The following PSME3IP1 variants were observed in gnomAD, a reference collection of about 807,000 sequenced individuals.
PSME3IP1 encodes the protein PSME3-interacting protein.
Under a neutral mutation model 34.1 loss-of-function variants are expected in PSME3IP1, and 13 were observed. That is an observed-to-expected ratio of 0.38 (90% CI 0.25 to 0.61). The LOEUF (loss-of-function observed/expected upper bound fraction) is 0.61, where lower values mean the gene tolerates loss of function less well. Among genes scored for constraint, PSME3IP1 ranks in the 20% least tolerant of loss-of-function variants. The probability of loss-of-function intolerance (pLI) is 0.60; values close to 1 mark genes in which losing one functional copy is unlikely to be tolerated. For missense variants in PSME3IP1, 237 were observed against 301.4 expected, an observed-to-expected ratio of 0.79 and a Z score of 1.58; for synonymous variants, 93 against 114.3, an observed-to-expected ratio of 0.81 and a Z score of 1.19.
In PSME3IP1 at chr16:57,154,014, G is replaced by A. The variant is rs916246576; in HGVS notation, c.*276C>T. On this transcript the variant is annotated 3_prime_UTR_variant, in exon 7 of 7. Transcript: ENST00000309137. This position sits in a 1 kb window ranked among gnomAD's most constrained non-coding sequence, Gnocchi z 4.0. ...CCTATTCTCCTGGGGCATTTTTAGT[G>A]GAACTTCGGCTGGGCCTTGCCCTCC... The A allele has an allele frequency of 2.5e-6, 1 of 396,142 alleles. No individual in the cohort carries two copies. Among genetic ancestry groups the A allele is most frequent in the Non-Finnish European group, 4.6e-6 (1 of 219,252 alleles). 24.5% of individuals were successfully genotyped at this position (396,142 alleles called of 1,614,324 possible).
chr16:57,166,326 G>A (rs1567391130), intron 5 of PSME3IP1, among the ~76,000 whole-genome samples: 1 of 152,192 alleles, frequency 6.6e-6, no homozygotes, highest in Non-Finnish European at 1.5e-5. Context: ...GGAAAGGGAG[G>A]AGCAAACATA....
At chr16:57,167,498 C>A (rs12443669) in intron 4 of PSME3IP1, among the ~76,000 whole-genome samples, 2,347 of 152,228 alleles carry the variant, frequency 0.015, 31 homozygotes, top group Non-Finnish European at 0.025. Flanking sequence ...CCCACTATTA[C>A]CAAGGACATG....
At chr16:57,185,728 GCCCTAA>G in intron 1 of PSME3IP1, 87 bp downstream of exon 1, 1 of 985,494 alleles carries the variant, frequency 1.0e-6, no homozygotes, top group Non-Finnish European at 1.2e-6. Flanking sequence ...AACAGGCCTG[GCCCTAA>G]CCCTAACAGC....
intron 4 of PSME3IP1, among the ~76,000 whole-genome samples, 191 bp downstream of exon 4, chr16:57,172,060 A>G (rs1330484124): frequency 6.6e-6 from 1 of 152,204 alleles, no homozygotes; most frequent in East Asian, 1.9e-4. Flanking sequence ...TTTGACTATA[A>G]CACTCTTGCA....
chr16:57,172,224 A>G, intron 4 of PSME3IP1, 27 bp downstream of exon 4: 1 of 1,610,986 alleles, frequency 6.2e-7, no homozygotes, highest in Non-Finnish European at 8.5e-7. Flanking sequence ...GACACCTTAC[A>G]GGTTTTCCTC....
At chr16:57,167,322 T>G in intron 4 of PSME3IP1, 96 bp from the exon 5 acceptor site, 1 of 1,363,688 alleles carries the variant, frequency 7.3e-7, no homozygotes, top group Non-Finnish European at 1.0e-6. Flanking sequence ...CTGGCCTACT[T>G]ATTTAAATAA....
chr16:57,156,100 A>G (rs1196462607), intron 6 of PSME3IP1, among the ~76,000 whole-genome samples: 1 of 152,246 alleles, frequency 6.6e-6, no homozygotes, highest in East Asian at 1.9e-4. Context: ...TCTTCCCTGA[A>G]ATGTTTCCGG....
rs1458158073 is a variant in PSME3IP1 at position 57,169,503 on chromosome 16, C to T, written c.349-2277G>A. Among the ~76,000 whole-genome samples the T allele has an allele frequency of 2.6e-5, 4 of 152,276 alleles. No individual in the cohort carries two copies. The East Asian group carries it at 5.8e-4, about 22-fold the overall frequency. On this transcript the variant is annotated intron_variant, in intron 4 of 6. Transcript: ENST00000309137. ...ATTAGATGTCAGTGACTTGGAAGGC[C>T]TGCTTTTCTTCAGTTTTTCTAGACA...
At chr16:57,171,021 C>T (rs1465901858) in intron 4 of PSME3IP1, among the ~76,000 whole-genome samples, 4 of 151,848 alleles carry the variant, frequency 2.6e-5, no homozygotes, top group African/African-American at 4.8e-5. Context: ...TGCAGTGAGA[C>T]GAGATCGCGC....
At chr16:57,167,930 C>T (rs988741559) in intron 4 of PSME3IP1, among the ~76,000 whole-genome samples, 2 of 152,210 alleles carry the variant, frequency 1.3e-5, no homozygotes, top group South Asian at 2.1e-4. Flanking sequence ...ATGACCAGTT[C>T]GCTTGTAACA....
intron 6 of PSME3IP1, among the ~76,000 whole-genome samples, chr16:57,162,733 A>C (rs1286644193): frequency 1.3e-5 from 2 of 152,100 alleles, no homozygotes; most frequent in Non-Finnish European, 2.9e-5. Context: ...AAAAAAAAAA[A>C]ATCAGTGAAG....
intron 6 of PSME3IP1, among the ~76,000 whole-genome samples, chr16:57,157,418 G>A (rs1204117557): frequency 1.3e-5 from 2 of 152,086 alleles, no homozygotes; most frequent in African/African-American, 4.8e-5. Flanking sequence ...AAAAGGCAAG[G>A]AGCAGGACAG....
chr16:57,163,356 TC>T (rs1321665941), intron 6 of PSME3IP1, among the ~76,000 whole-genome samples: 1 of 152,142 alleles, frequency 6.6e-6, no homozygotes, highest in Non-Finnish European at 1.5e-5. Flanking sequence ...AAAAGCATCA[TC>T]TTTTTTTGAG....
At chr16:57,177,104 C>T (rs2073246789) in intron 1 of PSME3IP1, among the ~76,000 whole-genome samples, 1 of 152,146 alleles carries the variant, frequency 6.6e-6, no homozygotes, top group Non-Finnish European at 1.5e-5. Flanking sequence ...ATCCACCGGC[C>T]TTGGCCTCCC....
intron 2 of PSME3IP1, 71 bp from the exon 3 acceptor site, chr16:57,172,945 T>A (rs894230476): frequency 9.7e-7 from 1 of 1,031,850 alleles, no homozygotes; most frequent in African/African-American, 1.6e-5. Flanking sequence ...TTTCATATTA[T>A]TTTGGAATCA....
At chr16:57,175,727 C>T (rs2073111983) in intron 1 of PSME3IP1, 2 of 152,144 alleles carry the variant, frequency 1.3e-5, no homozygotes, top group African/African-American at 2.4e-5. Context: ...ATACTCTTAC[C>T]AACTTTACCA....
chr16:57,160,152 C>T (rs938830393), intron 6 of PSME3IP1, among the ~76,000 whole-genome samples: 52 of 151,888 alleles, frequency 3.4e-4, no homozygotes, highest in African/African-American at 1.1e-3. Context: ...TAGCCGGGCG[C>T]GGTGGCGGGC....
At chr16:57,156,973 T>C (rs1336130641) in intron 6 of PSME3IP1, among the ~76,000 whole-genome samples, 3 of 152,198 alleles carry the variant, frequency 2.0e-5, no homozygotes, top group African/African-American at 4.8e-5. Context: ...TGTCCATTAA[T>C]AGATGACTAG....
chr16:57,177,246 T>C (rs1240900598), intron 1 of PSME3IP1, among the ~76,000 whole-genome samples: 1 of 152,058 alleles, frequency 6.6e-6, no homozygotes, highest in Non-Finnish European at 1.5e-5. Flanking sequence ...TTTACATTTC[T>C]ACCTAAATAA....
Sources: gnomAD v4.1 joint callset for allele counts (sites outside exome capture counted in the v4.1 genomes callset) on GRCh38, gnomAD v4.1.1 for gene constraint, Gnocchi (gnomAD v3.1) non-coding constraint, MANE v1.5 for transcripts, NCBI Gene and HGNC (gene_info 2026-07-23, HGNC 2026-07-21) for gene names.